Variants in TMEM245 observed in about 807,000 individuals in gnomAD.
TMEM245 encodes the protein protein CG-2.
TMEM245 carries 69 observed loss-of-function variants against 101.2 expected under a neutral mutation model. The ratio of observed to expected loss-of-function variants is 0.68; its 90% CI spans 0.56 to 0.83. The LOEUF is 0.83. TMEM245 is among the 40% of genes least tolerant of loss of function. TMEM245 has a pLI of 0.00. For missense variants in TMEM245, 1,075 were observed against 1,092.8 expected, an observed-to-expected ratio of 0.98 and a Z score of 0.23; for synonymous variants, 537 against 449.8, an observed-to-expected ratio of 1.19 and a Z score of -2.45.
intron 1 of TMEM245, among the ~76,000 whole-genome samples, chr9:109,110,476 T>C (rs181089274): frequency 1.1e-3 from 167 of 152,098 alleles, no homozygotes; most frequent in African/African-American, 3.9e-3. Context: ...GAAAGAAGCA[T>C]GGTGCTAGAA....
chr9:109,035,071 G>A (rs1157522004), intron 16 of TMEM245, among the ~76,000 whole-genome samples: 1 of 149,342 alleles, frequency 6.7e-6, no homozygotes, highest in Non-Finnish European at 1.5e-5. Flanking sequence ...GCAGGAGAAT[G>A]GCTTGAACCT....
intron 3 of TMEM245, among the ~76,000 whole-genome samples, chr9:109,105,615 G>C (rs139813002): frequency 6.6e-6 from 1 of 152,296 alleles, no homozygotes; most frequent in East Asian, 1.9e-4. Flanking sequence ...CAACTGATGA[G>C]TAAATAAACA....
chr9:109,105,779 T>G (rs1345424559), intron 3 of TMEM245, among the ~76,000 whole-genome samples: 1 of 146,196 alleles, frequency 6.8e-6, no homozygotes, highest in Non-Finnish European at 1.5e-5. Flanking sequence ...TGTATGCCTG[T>G]TTTTTTTTTT....
At position 109,018,871 on chromosome 9, in the gene TMEM245, G is replaced by GGCT. The variant is rs1232312709; in HGVS notation, c.*1588_*1589insAGC. Reference sequence around the variant, plus strand: ...ATACATCAGCCTCCTGAGTAGCTCAGACTATAGCCACACCACCGTGCCCAG... The same window carrying GGCT: ...ATACATCAGCCTCCTGAGTAGCTCAGGCTACTATAGCCACACCACCGTGCCCAG... On this transcript the variant is annotated 3_prime_UTR_variant, in exon 18 of 18. Coordinates refer to ENST00000374586, the MANE Select transcript of TMEM245 (RefSeq NM_032012.4). 6.8e-6 allele frequency: 1 copy of GGCT among 147,958 alleles called. No individual in the cohort carries two copies. Among genetic ancestry groups the GGCT allele is most frequent in the Non-Finnish European group, 1.5e-5 (1 of 68,394 alleles). 9.2% of individuals were successfully genotyped at this position (147,958 alleles called of 1,614,324 possible).
At chr9:109,083,920 A>AAAAAAAAAAAAAAAAAAAAAAAAAAT (rs1554725109) in intron 7 of TMEM245, among the ~76,000 whole-genome samples, 1 of 144,122 alleles carries the variant, frequency 6.9e-6, no homozygotes, top group Non-Finnish European at 1.5e-5. Context: ...AAAAAAAAAA[A>AAAAAAAAAAAAAAAAAAAAAAAAAAT]AAAAAAAAAC....
chr9:109,117,721 T>C (rs960737803), intron 1 of TMEM245, among the ~76,000 whole-genome samples: 1 of 152,256 alleles, frequency 6.6e-6, no homozygotes, highest in Non-Finnish European at 1.5e-5. Context: ...ACTATTTACA[T>C]GTGGCAGGCC....
In TMEM245 at chr9:109,119,575, G is replaced by A; in HGVS notation, c.339C>T (p.His113=). 1.3e-6 allele frequency: 2 copies of A among 1,544,612 alleles called. No homozygotes were observed. Among genetic ancestry groups the A allele is most frequent in the Non-Finnish European group, 1.7e-6 (2 of 1,149,698 alleles). The part of the protein sequence containing the change: ...RLGRHWLQRL[H]RAHTPIVLAA... ...CCAGGACGATGGGCGTGTGCGCGCG[G>A]TGCAGGCGCTGCAGCCAGTGGCGGC... The change falls in exon 1 of 18, where the codon CAC becomes CAT. Residue 113 remains histidine, a synonymous_variant. Transcript: ENST00000374586.
At chr9:109,027,513 T>G (rs1466532254) in intron 17 of TMEM245, among the ~76,000 whole-genome samples, 1 of 152,084 alleles carries the variant, frequency 6.6e-6, no homozygotes, top group African/African-American at 2.4e-5. Flanking sequence ...CAGCCAGGCT[T>G]TTAGTCTCTA....
Position 109,087,191 on chromosome 9 carries a change from C to T in TMEM245, c.1302G>A (p.Leu434=). The change falls in exon 6 of 18, where the codon TTG becomes TTA. Residue 434 remains leucine (L), a synonymous_variant. Transcript: ENST00000374586. ...PWPIVGLGKF[L]LKVDSKLWHW... is the part of the protein sequence containing the mutation. Reference sequence around the variant, plus strand: ...ACAATACCTTGCTATCAACTTTTAACAAGAATTTTCCAAGCCCGACAATGG... The same window carrying T: ...ACAATACCTTGCTATCAACTTTTAATAAGAATTTTCCAAGCCCGACAATGG... The T allele has an allele frequency of 6.2e-7, 1 of 1,607,260 alleles. No homozygotes were observed. Among genetic ancestry groups the T allele is most frequent in the South Asian group, 1.1e-5 (1 of 89,498 alleles).
At chr9:109,075,352 T>G (rs1829465793) in intron 8 of TMEM245, among the ~76,000 whole-genome samples, 1 of 152,224 alleles carries the variant, frequency 6.6e-6, no homozygotes, top group South Asian at 2.1e-4. Context: ...CCTTTGACTT[T>G]GGTATCTGGG....
chr9:109,080,995 A>T (rs995059359), intron 7 of TMEM245, 52 bp from the exon 8 acceptor site: 1 of 1,143,874 alleles, frequency 8.7e-7, no homozygotes. Flanking sequence ...GAACTTTAAA[A>T]ATACATATAC....
intron 1 of TMEM245, 32 bp downstream of exon 1, chr9:109,119,303 C>A (rs2132695886): frequency 6.6e-7 from 1 of 1,511,272 alleles, no homozygotes; most frequent in South Asian, 1.2e-5. Context: ...GGACCACGGG[C>A]GGGGGACGGG....
intron 4 of TMEM245, 50 bp downstream of exon 4, chr9:109,093,425 T>A: frequency 6.7e-7 from 1 of 1,493,588 alleles, no homozygotes; most frequent in Non-Finnish European, 9.3e-7. Context: ...ACTTTCTATG[T>A]ACATTTCATT....
chr9:109,046,350 T>A, intron 14 of TMEM245: 1 of 522,022 alleles, frequency 1.9e-6, no homozygotes, highest in Admixed American at 2.0e-5. Flanking sequence ...GATGTATACA[T>A]TCAGGAGACA....
chr9:109,016,658 G>GTTT lies in TMEM245; in HGVS notation c.*3799_*3801dup, dbSNP rs60869717. ...AACAGTGGCTGCAGACAGCATGTGT[G>GTTT]TTTTTTTTTTTTTTTTTTTTTGCAG... On this transcript the variant is annotated 3_prime_UTR_variant, in exon 18 of 18. Transcript: ENST00000374586. 10 of 124,720 alleles carry GTTT rather than the reference G, an allele frequency of 8.0e-5. No individual in the cohort carries two copies. The highest frequency in any genetic ancestry group is 8.5e-5 in the Non-Finnish European group (5 of 58,500). 7.7% of individuals were successfully genotyped at this position (124,720 alleles called of 1,614,324 possible).
chr9:109,111,883 CTTCT>C (rs1830576014), intron 1 of TMEM245, among the ~76,000 whole-genome samples: 1 of 152,102 alleles, frequency 6.6e-6, no homozygotes, highest in Non-Finnish European at 1.5e-5. Flanking sequence ...GAGTAATCTG[CTTCT>C]TTATGTTTTA....
intron 3 of TMEM245, among the ~76,000 whole-genome samples, chr9:109,096,163 T>C: frequency 6.6e-6 from 1 of 152,166 alleles, no homozygotes; most frequent in Non-Finnish European, 1.5e-5. Context: ...TTAGAGTTAT[T>C]TTTAGACTTT....
intron 9 of TMEM245, among the ~76,000 whole-genome samples, chr9:109,069,758 T>C (rs1829274173): frequency 2.0e-5 from 3 of 152,166 alleles, no homozygotes; most frequent in Admixed American, 1.3e-4. Flanking sequence ...CTTAAAAAAT[T>C]AAACAAAACT....
intron 6 of TMEM245, 125 bp downstream of exon 6, chr9:109,087,048 C>T: frequency 1.2e-6 from 1 of 810,872 alleles, no homozygotes; most frequent in South Asian, 3.5e-5. Flanking sequence ...ATTAAACTTT[C>T]ATCATAGAAT....
Sources: allele counts gnomAD v4.1 joint callset (sites outside exome capture counted in the v4.1 genomes callset), GRCh38; gene constraint gnomAD v4.1.1; transcripts MANE v1.5; gene names NCBI Gene and HGNC (gene_info 2026-07-23, HGNC 2026-07-21).